Variants in ABCA12 observed in about 807,000 individuals in gnomAD.
ABCA12 encodes ATP binding cassette subfamily A member 12.
A neutral mutation model predicts 293.5 loss-of-function variants in ABCA12; 156 were observed. That is an observed-to-expected ratio of 0.53 (90% CI 0.47 to 0.61). The LOEUF (loss-of-function observed/expected upper bound fraction) is 0.61, where lower values mean the gene tolerates loss of function less well. ABCA12 is among the 20% of genes least tolerant of loss of function. The pLI, the probability that ABCA12 is intolerant of heterozygous loss-of-function variation, is 0.00. For missense variants in ABCA12, 2,797 were observed against 3,090.2 expected (o/e 0.91, Z 2.25); for synonymous variants, 1,063 against 1,108.0 (o/e 0.96, Z 0.81).
intron 1 of ABCA12, among the ~76,000 whole-genome samples, chr2:215,132,663 G>A (rs1294645906): frequency 2.6e-5 from 4 of 151,962 alleles, no homozygotes; most frequent in African/African-American, 9.7e-5. Context: ...GTAGACAGAA[G>A]ATGGCCATGT....
At chr2:215,014,511 TG>T in intron 15 of ABCA12, among the ~76,000 whole-genome samples, 1 of 152,098 alleles carries the variant, frequency 6.6e-6, no homozygotes, top group Non-Finnish European at 1.5e-5. Context: ...TTGTAAAATT[TG>T]GGGGTTTACT....
At chr2:214,955,808 G>T (rs915513652) in intron 42 of ABCA12, among the ~76,000 whole-genome samples, 2 of 152,048 alleles carry the variant, frequency 1.3e-5, no homozygotes, top group African/African-American at 4.8e-5. Flanking sequence ...AAAATCCAAA[G>T]AGTTTTTTTT....
chr2:215,024,111 A>C (rs914051038), intron 11 of ABCA12, among the ~76,000 whole-genome samples: 9 of 152,104 alleles, frequency 5.9e-5, no homozygotes, highest in Non-Finnish European at 1.3e-4. Context: ...CAACTAACCT[A>C]ATTCTATGCA....
Position 215,063,096 on chromosome 2 carries a change from T to C in ABCA12, c.317+970A>G, listed in dbSNP as rs76443162. Among the ~76,000 whole-genome samples, 1,317 of 152,032 alleles carry C rather than the reference T, an allele frequency of 8.7e-3. 18 individuals carry two copies. The highest frequency in any genetic ancestry group is 0.03 in the African/African-American group (1,265 of 41,502). On this transcript the variant is annotated intron_variant, in intron 3 of 52. Transcript: ENST00000272895. ...CTAATTATTGAAACAACAAAATCAG[T>C]GTGAATCAGCATCCCAGCAATTAGG...
intron 1 of ABCA12, among the ~76,000 whole-genome samples, chr2:215,114,502 T>G (rs1033577642): frequency 1.2e-4 from 18 of 152,152 alleles, no homozygotes; most frequent in Non-Finnish European, 2.5e-4. Flanking sequence ...ATATATCCAA[T>G]TGTGAGGCAG....
chr2:214,983,023 G>T (rs910485954), intron 29 of ABCA12, among the ~76,000 whole-genome samples: 1 of 152,152 alleles, frequency 6.6e-6, no homozygotes, highest in Non-Finnish European at 1.5e-5. Context: ...CCATCTGGGG[G>T]GGTAGGTGCT....
At chr2:215,053,848 A>ATG (rs1329998382) in intron 4 of ABCA12, among the ~76,000 whole-genome samples, 1 of 152,062 alleles carries the variant, frequency 6.6e-6, no homozygotes, top group Non-Finnish European at 1.5e-5. Flanking sequence ...TTGTCAATGA[A>ATG]TGTTAGCCAG....
intron 9 of ABCA12, 151 bp from the exon 10 acceptor site, chr2:215,027,089 A>C (rs948701629): frequency 3.3e-6 from 2 of 614,184 alleles, no homozygotes; most frequent in East Asian, 3.0e-5. Flanking sequence ...TCACGCCTGT[A>C]ATCCTAGCAC....
At position 215,000,844 on chromosome 2, in the gene ABCA12, T is replaced by C. The variant is rs1229254745; in HGVS notation, c.3040A>G (p.Asn1014Asp). ...APGPHNSPSH[N>D]QIYGRAFIYL... ...ATAAAAGCCCTGCCATAGATCTGGT[T>C]GTGTGATGGAGAATTGTGTGGCCCT... Residue 1014 changes from asparagine to aspartate, a missense_variant, in exon 22 of 53, where the codon AAC becomes GAC. Transcript: ENST00000272895. The C allele has an allele frequency of 6.2e-7, 1 of 1,614,130 alleles. No homozygotes were observed. The highest frequency in any genetic ancestry group is 8.5e-7 in the Non-Finnish European group (1 of 1,180,002).
intron 1 of ABCA12, among the ~76,000 whole-genome samples, chr2:215,114,233 A>C (rs991280065): frequency 2.0e-5 from 3 of 152,216 alleles, no homozygotes; most frequent in African/African-American, 7.2e-5. Flanking sequence ...TTGGCCTCCC[A>C]AAGTGCTGAG....
chr2:215,033,095 TAG>T (rs1224839365), intron 8 of ABCA12, among the ~76,000 whole-genome samples: 1 of 152,188 alleles, frequency 6.6e-6, no homozygotes, highest in East Asian at 1.9e-4. Context: ...TTCAGCAGAG[TAG>T]AGTTTTTCTG....
At position 215,016,884 on chromosome 2, in the gene ABCA12, A is replaced by G. The variant is rs186311653; in HGVS notation, c.1782+1124T>C. Among the ~76,000 whole-genome samples, 4 of 152,236 alleles carry G rather than the reference A, an allele frequency of 2.6e-5. No homozygotes were observed. The East Asian group carries it at 7.8e-4, about 30-fold the overall frequency. Reference sequence around the variant, plus strand: ...AGAAAAGCGTATAACATTCAAGGCCACAGGAACTTTTCACTCTTTCCTCTT... The same window carrying G: ...AGAAAAGCGTATAACATTCAAGGCCGCAGGAACTTTTCACTCTTTCCTCTT... On this transcript the variant is annotated intron_variant, in intron 14 of 52. Coordinates refer to ENST00000272895, the MANE Select transcript of ABCA12 (RefSeq NM_173076.3).
chr2:214,977,647 A>G (rs1040502604), intron 33 of ABCA12, among the ~76,000 whole-genome samples: 1 of 152,206 alleles, frequency 6.6e-6, no homozygotes, highest in Non-Finnish European at 1.5e-5. Flanking sequence ...TATTTTCAAA[A>G]GAGCCCAATC....
chr2:215,011,695 G>A, intron 16 of ABCA12, 46 bp from the exon 17 acceptor site: 1 of 1,569,108 alleles, frequency 6.4e-7, no homozygotes, highest in Non-Finnish European at 8.8e-7. Context: ...ATGAGCTTTA[G>A]AAGCTACTGA....
chr2:215,025,413 G>A lies in ABCA12; in HGVS notation c.1287+260C>T, dbSNP rs73090466. On this transcript the variant is annotated intron_variant, in intron 11 of 52. Transcript: ENST00000272895. ...GGTCTTAAGTGATTCTTCCCACCTC[G>A]GCCTCCTGAGTAGCTGGAATTACAG... 9.4e-3 allele frequency: 3,849 copies of A among 410,898 alleles called. 131 individuals carry two copies. Among genetic ancestry groups the A allele is most frequent in the African/African-American group, 0.075 (3,614 of 48,358 alleles). 25.5% of individuals were successfully genotyped at this position (410,898 alleles called of 1,614,324 possible).
intron 2 of ABCA12, 24 bp from the exon 3 acceptor site, chr2:215,064,243 A>G (rs751082432): frequency 6.2e-7 from 1 of 1,610,536 alleles, no homozygotes; most frequent in South Asian, 1.1e-5. Context: ...AACAGTCATT[A>G]CATCAGTATG....
intron 3 of ABCA12, among the ~76,000 whole-genome samples, chr2:215,063,140 A>G (rs964506134): frequency 2.0e-5 from 3 of 151,970 alleles, no homozygotes; most frequent in African/African-American, 7.2e-5. Context: ...GCTGTGTCTC[A>G]TGACAATTCT....
At chr2:215,105,372 T>G (rs1412552476) in intron 2 of ABCA12, among the ~76,000 whole-genome samples, 1 of 152,044 alleles carries the variant, frequency 6.6e-6, no homozygotes, top group Non-Finnish European at 1.5e-5. Context: ...GGAGTGAGAA[T>G]GAGACGTGTG....
intron 2 of ABCA12, among the ~76,000 whole-genome samples, chr2:215,078,947 GA>G (rs1701885419): frequency 6.6e-6 from 1 of 152,180 alleles, no homozygotes; most frequent in Non-Finnish European, 1.5e-5. Flanking sequence ...AAAATTAAAA[GA>G]AAGTGGGATG....
Sources: gnomAD v4.1 joint callset for allele counts (sites outside exome capture counted in the v4.1 genomes callset) on GRCh38, gnomAD v4.1.1 for gene constraint, MANE v1.5 for transcripts, NCBI Gene and HGNC (gene_info 2026-07-23, HGNC 2026-07-21) for gene names.